Variants in DCHS2 observed in about 807,000 individuals in gnomAD.
DCHS2 encodes the protein dachsous cadherin-related 2, also known as protocadherin-23.
A neutral mutation model predicts 182.4 loss-of-function variants in DCHS2; 142 were observed. The ratio of observed to expected loss-of-function variants is 0.78; its 90% CI spans 0.68 to 0.89. The LOEUF (loss-of-function observed/expected upper bound fraction) is 0.89, where lower values mean the gene tolerates loss of function less well. Among genes scored for constraint, DCHS2 ranks in the 40% least tolerant of loss-of-function variants. DCHS2 has a pLI of 0.00. For missense variants in DCHS2, 4,319 were observed against 4,198.6 expected, an observed-to-expected ratio of 1.03 and a Z score of -0.79; for synonymous variants, 1,740 against 1,663.3, an observed-to-expected ratio of 1.05 and a Z score of -1.12.
At chr4:154,344,382 AGGCTGGGCTTAGATCTGAGCAT>A (rs1306123658) in intron 3 of DCHS2, among the ~76,000 whole-genome samples, 1 of 152,222 alleles carries the variant, frequency 6.6e-6, no homozygotes, top group Non-Finnish European at 1.5e-5. Flanking sequence ...CTGTATAAAT[AGGCTGGGCTTAGATCTGAGCAT>A]GGCTACTAGG....
chr4:154,439,285 T>A (rs1733901357), intron 1 of DCHS2, among the ~76,000 whole-genome samples: 1 of 152,178 alleles, frequency 6.6e-6, no homozygotes, highest in Non-Finnish European at 1.5e-5. Context: ...GGTCAACATA[T>A]GAGCATTTTA....
At chr4:154,295,313 G>T (rs1734873211) in intron 13 of DCHS2, among the ~76,000 whole-genome samples, 1 of 152,180 alleles carries the variant, frequency 6.6e-6, no homozygotes. Context: ...TACCATTTTA[G>T]ATGCCTAGTT....
At chr4:154,447,749 C>T (rs1734362530) in intron 1 of DCHS2, among the ~76,000 whole-genome samples, 2 of 152,208 alleles carry the variant, frequency 1.3e-5, no homozygotes, top group Middle Eastern at 3.4e-3. Flanking sequence ...ATATGATGGT[C>T]AGTGATGTGG....
At chr4:154,315,656 T>A in intron 10 of DCHS2, 92 bp downstream of exon 10, 1 of 1,521,394 alleles carries the variant, frequency 6.6e-7, no homozygotes, top group Non-Finnish European at 8.8e-7. Flanking sequence ...ACTGTTCATT[T>A]TTTCTGAGCC....
chr4:154,259,243 G>T (rs1732851205), intron 15 of DCHS2, among the ~76,000 whole-genome samples: 1 of 152,032 alleles, frequency 6.6e-6, no homozygotes, highest in Admixed American at 6.6e-5. Context: ...TACACTAAAT[G>T]CATACTTCTA....
intron 1 of DCHS2, among the ~76,000 whole-genome samples, chr4:154,470,558 C>A (rs1735421887): frequency 2.0e-5 from 3 of 151,864 alleles, no homozygotes; most frequent in African/African-American, 7.3e-5. Context: ...CTGATATTAC[C>A]TTGCATGAGG....
At chr4:154,448,062 C>G (rs1734374671) in intron 1 of DCHS2, among the ~76,000 whole-genome samples, 1 of 152,148 alleles carries the variant, frequency 6.6e-6, no homozygotes, top group Non-Finnish European at 1.5e-5. Flanking sequence ...CTGAAAATTA[C>G]TGCACTCAGT....
intron 8 of DCHS2, 112 bp from the exon 9 acceptor site, chr4:154,321,334 GTTAA>G (rs1736054658): frequency 4.3e-6 from 5 of 1,151,458 alleles, no homozygotes; most frequent in Admixed American, 3.3e-5. Context: ...GTGATCATAT[GTTAA>G]TTAGTGAGAA....
intron 2 of DCHS2, among the ~76,000 whole-genome samples, chr4:154,376,172 T>A (rs1730883105): frequency 6.6e-6 from 1 of 152,170 alleles, no homozygotes; most frequent in Non-Finnish European, 1.5e-5. Flanking sequence ...TATGGGTCTG[T>A]TGATTTTGCA....
intron 7 of DCHS2, among the ~76,000 whole-genome samples, chr4:154,323,480 C>G (rs1029808161): frequency 1.3e-5 from 2 of 152,156 alleles, no homozygotes; most frequent in African/African-American, 2.4e-5. Flanking sequence ...CAGGCATGGG[C>G]CAAAAGCTAG....
At chr4:154,413,830 T>G (rs1338695450) in intron 1 of DCHS2, among the ~76,000 whole-genome samples, 1 of 152,188 alleles carries the variant, frequency 6.6e-6, no homozygotes. Flanking sequence ...AAGCACTGCA[T>G]TACTTTATAG....
At chr4:154,351,756 A>G (rs1290074369) in intron 3 of DCHS2, among the ~76,000 whole-genome samples, 1 of 152,132 alleles carries the variant, frequency 6.6e-6, no homozygotes, top group Non-Finnish European at 1.5e-5. Flanking sequence ...ACAGTTCATA[A>G]TAGGGTTAGT....
intron 10 of DCHS2, among the ~76,000 whole-genome samples, chr4:154,306,035 T>C (rs1254908654): frequency 2.6e-5 from 4 of 152,270 alleles, no homozygotes; most frequent in Non-Finnish European, 4.4e-5. Context: ...AAAGACGAAA[T>C]GTCATTCTTT....
chr4:154,287,751 G>C (rs1008190721), intron 13 of DCHS2, among the ~76,000 whole-genome samples: 7 of 152,048 alleles, frequency 4.6e-5, no homozygotes, highest in African/African-American at 1.2e-4. Flanking sequence ...TGACATCCTG[G>C]GATTATAGAT....
At chr4:154,391,667 T>C (rs1304457549) in intron 1 of DCHS2, among the ~76,000 whole-genome samples, 2 of 152,148 alleles carry the variant, frequency 1.3e-5, no homozygotes, top group South Asian at 2.1e-4. Flanking sequence ...TTGGATTGTA[T>C]TGCAAGAATC....
At position 154,404,720 on chromosome 4, in the gene DCHS2, G is replaced by C. The variant is rs111766149; in HGVS notation, c.2053-27276C>G. The stretch of plus-strand genomic sequence containing the variant: ...TATTATTAGGTCCATGCGCATTTGG[G>C]TTTATTATGTCTCCAATGATTAATT... On this transcript the variant is annotated intron_variant, in intron 1 of 19. Coordinates refer to ENST00000357232, the MANE Select transcript of DCHS2 (RefSeq NM_001358235.2). 3.3e-5 allele frequency among the ~76,000 whole-genome samples: 5 copies of C among 152,240 alleles called. 1 individual carries two copies. Among genetic ancestry groups the C allele is most frequent in the African/African-American group, 1.2e-4 (5 of 41,542 alleles).
At chr4:154,489,198 G>T in intron 1 of DCHS2, 106 bp downstream of exon 1, 1 of 975,296 alleles carries the variant, frequency 1.0e-6, no homozygotes, top group Non-Finnish European at 1.5e-6. Context: ...TCTTGTATTT[G>T]AGAGCCGGAA....
At chr4:154,287,694 C>G (rs1734467061) in intron 13 of DCHS2, among the ~76,000 whole-genome samples, 1 of 152,016 alleles carries the variant, frequency 6.6e-6, no homozygotes, top group African/African-American at 2.4e-5. Flanking sequence ...GTTGGCCAGG[C>G]TGGTCATGAA....
chr4:154,330,106 T>C (rs993105944), intron 5 of DCHS2, among the ~76,000 whole-genome samples: 2 of 152,218 alleles, frequency 1.3e-5, no homozygotes, highest in African/African-American at 2.4e-5. Flanking sequence ...TTGGCCCCAG[T>C]TTCCCCATCT....
Sources: gnomAD v4.1 joint callset for allele counts (sites outside exome capture counted in the v4.1 genomes callset) on GRCh38, gnomAD v4.1.1 for gene constraint, MANE v1.5 for transcripts, NCBI Gene and HGNC (gene_info 2026-07-23, HGNC 2026-07-21) for gene names.